The following MEF2A variants were observed in gnomAD, a reference collection of about 807,000 sequenced individuals.
The protein encoded by MEF2A is myocyte-specific enhancer factor 2A.
Under a neutral mutation model 55.8 loss-of-function variants are expected in MEF2A, and 28 were observed. That is an observed-to-expected ratio of 0.50 (90% CI 0.37 to 0.69). The LOEUF is 0.69. MEF2A is among the 30% of genes least tolerant of loss of function. The pLI is 0.00. For missense variants in MEF2A, 528 were observed against 626.2 expected, an observed-to-expected ratio of 0.84 and a Z score of 1.67; for synonymous variants, 239 against 227.1, an observed-to-expected ratio of 1.05 and a Z score of -0.47.
intron 5 of MEF2A, among the ~76,000 whole-genome samples, chr15:99,673,257 G>A (rs1196192812): frequency 6.6e-6 from 1 of 152,024 alleles, no homozygotes; most frequent in African/African-American, 2.4e-5. Context: ...GTTACTTTTG[G>A]GCAAATACCA....
chr15:99,631,426 A>G lies in MEF2A; in HGVS notation c.-142-1552A>G, dbSNP rs187664900. Among the ~76,000 whole-genome samples the G allele has an allele frequency of 7.2e-4, 110 of 152,134 alleles. 1 individual carries two copies. The highest frequency in any genetic ancestry group is 2.6e-3 in the African/African-American group (107 of 41,500). On this transcript the variant is annotated intron_variant, in intron 2 of 11. Transcript: ENST00000557942. ...CTAATGTTTCCTGTTCCCTTTTGTC[A>G]TGGGGCTTTTGTACATGTTGTTCTC... is the stretch of plus-strand genomic sequence containing the variant.
At chr15:99,609,377 G>T (rs1303563719) in intron 2 of MEF2A, among the ~76,000 whole-genome samples, 8 of 152,194 alleles carry the variant, frequency 5.3e-5, no homozygotes. Flanking sequence ...GTGAGTATTT[G>T]TAGGGTATGT....
At chr15:99,692,043 G>A (rs540570423) in intron 8 of MEF2A, among the ~76,000 whole-genome samples, 1 of 152,300 alleles carries the variant, frequency 6.6e-6, no homozygotes, top group African/African-American at 2.4e-5. Context: ...TAAATGATAT[G>A]CCAGGTGTTC....
At chr15:99,638,382 T>C (rs1289152751) in intron 3 of MEF2A, among the ~76,000 whole-genome samples, 2 of 152,180 alleles carry the variant, frequency 1.3e-5, no homozygotes, top group African/African-American at 4.8e-5. Flanking sequence ...TCTTCAGATA[T>C]TGCTTGTGTC....
intron 6 of MEF2A, among the ~76,000 whole-genome samples, chr15:99,675,136 A>T (rs1176027447): frequency 1.3e-5 from 2 of 152,164 alleles, no homozygotes; most frequent in Non-Finnish European, 2.9e-5. Context: ...TTTTATCAGT[A>T]TGTACTATTT....
At chr15:99,643,171 T>G (rs1465172061) in intron 3 of MEF2A, among the ~76,000 whole-genome samples, 3 of 152,224 alleles carry the variant, frequency 2.0e-5, no homozygotes, top group Non-Finnish European at 4.4e-5. Flanking sequence ...TTACGTTACC[T>G]CTTTCATGTC....
intron 3 of MEF2A, among the ~76,000 whole-genome samples, chr15:99,641,868 A>G (rs2045041997): frequency 6.6e-6 from 1 of 152,038 alleles, no homozygotes; most frequent in Admixed American, 6.5e-5. Context: ...TTATTCAACA[A>G]ATTTGTTTAG....
chr15:99,708,792 A>G (rs912312769), intron 10 of MEF2A, among the ~76,000 whole-genome samples: 15 of 152,204 alleles, frequency 9.9e-5, no homozygotes, highest in Non-Finnish European at 7.3e-5. Context: ...TCGGACAGGA[A>G]GGAACATGCG....
chr15:99,664,413 G>T (rs2049220928), intron 4 of MEF2A, among the ~76,000 whole-genome samples: 1 of 152,178 alleles, frequency 6.6e-6, no homozygotes, highest in African/African-American at 2.4e-5. Flanking sequence ...ACCAAGGCTG[G>T]TTTGCAAAAT....
At chr15:99,633,286 G>C in intron 3 of MEF2A, 113 bp downstream of exon 3, 1 of 659,622 alleles carries the variant, frequency 1.5e-6, no homozygotes, top group Non-Finnish European at 2.4e-6. Context: ...AATATTTTTA[G>C]TTACAGACTA....
chr15:99,575,502 T>G (rs906636333), intron 1 of MEF2A, among the ~76,000 whole-genome samples: 8 of 152,196 alleles, frequency 5.3e-5, no homozygotes, highest in Non-Finnish European at 1.0e-4. Context: ...GTGCATCACA[T>G]CATGAGGCAG....
chr15:99,659,291 TC>T (rs1436660544), intron 4 of MEF2A, among the ~76,000 whole-genome samples: 1 of 152,092 alleles, frequency 6.6e-6, no homozygotes, highest in African/African-American at 2.4e-5. Flanking sequence ...AGGTAGGGAA[TC>T]TTACTACCAT....
At chr15:99,615,930 A>G (rs971023594) in intron 2 of MEF2A, among the ~76,000 whole-genome samples, 1 of 152,210 alleles carries the variant, frequency 6.6e-6, no homozygotes. Context: ...GACTTGGTCA[A>G]GATCACTAAT....
intron 8 of MEF2A, among the ~76,000 whole-genome samples, chr15:99,699,465 T>G (rs1439103972): frequency 6.6e-6 from 1 of 152,226 alleles, no homozygotes; most frequent in Admixed American, 6.5e-5. Flanking sequence ...TGTGATGCTG[T>G]TTTGTTAGAT....
intron 2 of MEF2A, among the ~76,000 whole-genome samples, chr15:99,629,765 C>T (rs1440663488): frequency 6.6e-6 from 1 of 152,060 alleles, no homozygotes; most frequent in Non-Finnish European, 1.5e-5. Flanking sequence ...ACAGTGAAAC[C>T]CTGTCTCTAC....
intron 3 of MEF2A, among the ~76,000 whole-genome samples, chr15:99,635,541 G>A (rs954818624): frequency 2.0e-5 from 3 of 152,046 alleles, no homozygotes; most frequent in Admixed American, 6.6e-5. Flanking sequence ...GAAGAAGACC[G>A]TGTAGCCAGC....
intron 1 of MEF2A, among the ~76,000 whole-genome samples, chr15:99,582,761 T>C (rs1966301738): frequency 6.6e-6 from 1 of 152,150 alleles, no homozygotes; most frequent in Non-Finnish European, 1.5e-5. Flanking sequence ...TGTCAGCCTT[T>C]TTCTTCTGTG....
At chr15:99,660,580 C>T (rs2048456232) in intron 4 of MEF2A, among the ~76,000 whole-genome samples, 1 of 152,160 alleles carries the variant, frequency 6.6e-6, no homozygotes, top group Admixed American at 6.5e-5. Flanking sequence ...CTGAATCTCA[C>T]ACAGGGCTCA....
chr15:99,620,639 T>C (rs771696158), intron 2 of MEF2A, among the ~76,000 whole-genome samples: 1 of 152,184 alleles, frequency 6.6e-6, no homozygotes, highest in African/African-American at 2.4e-5. Flanking sequence ...ACTAGTGTTA[T>C]GATAAAACGT....
Sources: gnomAD v4.1 joint callset for allele counts (sites outside exome capture counted in the v4.1 genomes callset) on GRCh38, gnomAD v4.1.1 for gene constraint, MANE v1.5 for transcripts, NCBI Gene and HGNC (gene_info 2026-07-23, HGNC 2026-07-21) for gene names.